ARHGAP44: variants seen among roughly 807,000 people sequenced by gnomAD.
ARHGAP44 encodes rho GTPase-activating protein 44.
Under a neutral mutation model 106.8 loss-of-function variants are expected in ARHGAP44, and 43 were observed. The observed-to-expected ratio is 0.40, with a 90% CI of 0.32 to 0.52. The LOEUF (loss-of-function observed/expected upper bound fraction) is 0.52. Ranked by LOEUF, ARHGAP44 falls within the 20% of genes least tolerant of loss-of-function variation. The pLI is 0.48. For synonymous variants in ARHGAP44, 439 were observed against 410.3 expected (o/e 1.07, Z -0.85); for missense variants, 866 against 1,050.5 (o/e 0.82, Z 2.43).
intron 3 of ARHGAP44, among the ~76,000 whole-genome samples, chr17:12,907,094 GT>G (rs2037573877): frequency 6.6e-6 from 1 of 152,172 alleles, no homozygotes; most frequent in South Asian, 2.1e-4. Flanking sequence ...TGAATTATAA[GT>G]GGAAACGCTC....
At chr17:12,956,866 AAC>A (rs3076699) in intron 15 of ARHGAP44, 120 bp downstream of exon 15, 22,561 of 585,364 alleles carry the variant, frequency 0.039, no homozygotes, top group Non-Finnish European at 0.047. Context: ...TTCCCCTATA[AAC>A]ACACACACAC....
intron 20 of ARHGAP44, chr17:12,986,768 A>C: frequency 4.1e-6 from 1 of 241,280 alleles, no homozygotes; most frequent in Non-Finnish European, 7.9e-6. Flanking sequence ...TTGGGGAACA[A>C]AAGTGGGCAA....
At chr17:12,943,560 G>T in intron 8 of ARHGAP44, 28 bp from the exon 9 acceptor site, 2 of 1,611,160 alleles carry the variant, frequency 1.2e-6, no homozygotes, top group East Asian at 2.2e-5. Context: ...CCCTCACTAA[G>T]GGTGATGCTT....
At chr17:12,975,795 C>CAAAAAA (rs57364760) in intron 18 of ARHGAP44, among the ~76,000 whole-genome samples, 1 of 69,406 alleles carries the variant, frequency 1.4e-5, no homozygotes, top group Admixed American at 2.1e-4. Context: ...GACTCCGTCT[C>CAAAAAA]AAAAAAAAAA....
At chr17:12,828,296 A>G (rs1348674633) in intron 1 of ARHGAP44, among the ~76,000 whole-genome samples, 3 of 152,168 alleles carry the variant, frequency 2.0e-5, no homozygotes, top group Non-Finnish European at 4.4e-5. Flanking sequence ...AATATCCTAC[A>G]GTTTTCCTGT....
chr17:12,934,068 C>T (rs981878989), intron 7 of ARHGAP44, among the ~76,000 whole-genome samples: 3 of 151,542 alleles, frequency 2.0e-5, no homozygotes, highest in African/African-American at 7.3e-5. Context: ...AGGATGGTGT[C>T]GATCTCCTGA....
chr17:12,910,446 CTTTTTTTT>C (rs3076662), intron 4 of ARHGAP44, among the ~76,000 whole-genome samples: 18 of 93,524 alleles, frequency 1.9e-4, no homozygotes, highest in Admixed American at 6.2e-4. Flanking sequence ...CTTATGTAGC[CTTTTTTTT>C]TTTTTTTTTT....
At chr17:12,988,712 C>T (rs2040019317) in intron 20 of ARHGAP44, 1 of 152,176 alleles carries the variant, frequency 6.6e-6, no homozygotes, top group Non-Finnish European at 1.5e-5. Context: ...ATTCCCCAGT[C>T]TGAACATGTG....
intron 1 of ARHGAP44, among the ~76,000 whole-genome samples, chr17:12,845,515 A>AAAAAACC (rs1555546587): frequency 7.6e-6 from 1 of 130,964 alleles, no homozygotes; most frequent in African/African-American, 2.9e-5. Flanking sequence ...TCAAAAAAAA[A>AAAAAACC]AAAAAAACAA....
intron 8 of ARHGAP44, among the ~76,000 whole-genome samples, chr17:12,941,857 A>T (rs1307471136): frequency 2.0e-5 from 3 of 152,240 alleles, no homozygotes; most frequent in African/African-American, 7.2e-5. Flanking sequence ...CAAATAAAAA[A>T]AAATCAGTTA....
At chr17:12,928,117 A>G (rs1367863801) in intron 6 of ARHGAP44, among the ~76,000 whole-genome samples, 3 of 152,150 alleles carry the variant, frequency 2.0e-5, no homozygotes, top group African/African-American at 7.2e-5. Flanking sequence ...TTCCTCCTAA[A>G]GTTTTCTGAG....
intron 1 of ARHGAP44, among the ~76,000 whole-genome samples, chr17:12,862,589 C>T (rs2036118209): frequency 6.6e-6 from 1 of 152,148 alleles, no homozygotes; most frequent in South Asian, 2.1e-4. Flanking sequence ...CAGGTTCTTA[C>T]CAGGTCTTTC....
intron 1 of ARHGAP44, among the ~76,000 whole-genome samples, chr17:12,841,695 G>T (rs2035413136): frequency 6.6e-6 from 1 of 151,482 alleles, no homozygotes; most frequent in Admixed American, 6.6e-5. Context: ...ACACGCAGGG[G>T]CTCCATTCTT....
intron 1 of ARHGAP44, among the ~76,000 whole-genome samples, chr17:12,868,593 A>T (rs1166076574): frequency 9.7e-4 from 14 of 14,484 alleles, no homozygotes; most frequent in East Asian, 3.2e-3. Context: ...TATGCATTTT[A>T]TATATATATA....
intron 3 of ARHGAP44, among the ~76,000 whole-genome samples, chr17:12,899,212 G>T (rs1208753906): frequency 6.6e-6 from 1 of 152,048 alleles, no homozygotes; most frequent in African/African-American, 2.4e-5. Context: ...CTCGTGATCT[G>T]CCCACCTAGG....
chr17:12,925,487 C>A (rs911636179), intron 6 of ARHGAP44, among the ~76,000 whole-genome samples: 1 of 152,222 alleles, frequency 6.6e-6, no homozygotes, highest in Non-Finnish European at 1.5e-5. Flanking sequence ...TCCTGTCTGC[C>A]TTTTAAAATT....
Position 12,859,107 on chromosome 17 carries a change from A to G in ARHGAP44, c.54-35833A>G, listed in dbSNP as rs75306086. Among the ~76,000 whole-genome samples, 472 of 152,306 alleles carry G rather than the reference A, an allele frequency of 3.1e-3. 14 individuals carry two copies. In the South Asian group the frequency reaches 0.046, roughly 15 times the overall value. ...GCCAGACCATATCAGCTTTAATCCA[A>G]TATGACTGTGGATCCTTATAAAAAT... On this transcript the variant is annotated intron_variant, in intron 1 of 20. Transcript: ENST00000379672.
intron 1 of ARHGAP44, among the ~76,000 whole-genome samples, chr17:12,853,732 G>C (rs2035828643): frequency 6.6e-6 from 1 of 152,146 alleles, no homozygotes; most frequent in Admixed American, 6.5e-5. Flanking sequence ...TCTGTTATCA[G>C]GGCGGCTTTT....
chr17:12,929,075 G>C (rs762333480), intron 7 of ARHGAP44, 29 bp downstream of exon 7: 2 of 1,574,830 alleles, frequency 1.3e-6, no homozygotes, highest in South Asian at 2.3e-5. Flanking sequence ...CCTCTCTACT[G>C]GGACAGGCTG....
Sources: allele counts gnomAD v4.1 joint callset (sites outside exome capture counted in the v4.1 genomes callset), GRCh38; gene constraint gnomAD v4.1.1; transcripts MANE v1.5; gene names NCBI Gene and HGNC (gene_info 2026-07-23, HGNC 2026-07-21).